Variants in HIVEP3 observed in about 807,000 individuals in gnomAD.
HIVEP3 encodes HIVEP zinc finger 3, also known as transcription factor HIVEP3.
In HIVEP3, 49 loss-of-function variants were observed where a neutral mutation model predicts 152.8. The observed-to-expected ratio is 0.32, with a 90% confidence interval of 0.26 to 0.41. The LOEUF (loss-of-function observed/expected upper bound fraction) is 0.41. Among genes scored for constraint, HIVEP3 ranks in the 10% least tolerant of loss-of-function variants. HIVEP3 has a pLI of 1.00. For missense variants in HIVEP3, 2,790 were observed against 3,103.3 expected, an observed-to-expected ratio of 0.90 and a Z score of 2.40; for synonymous variants, 1,269 against 1,289.0, an observed-to-expected ratio of 0.98 and a Z score of 0.33.
intron 1 of HIVEP3, among the ~76,000 whole-genome samples, chr1:41,715,148 C>A (rs1271367927): frequency 6.6e-6 from 1 of 152,208 alleles, no homozygotes; most frequent in Non-Finnish European, 1.5e-5. Flanking sequence ...GCCGGAGGCA[C>A]CTCTCAAACA....
rs1558137041 is a variant in HIVEP3 at position 41,638,291 on chromosome 1, AGGAAGG to A, written c.-720-9350_-720-9345del. ...GAAAGAAAGAAAGAAAGAGGAAGGA[AGGAAGG>A]AGAGAGAAAGAAAGGAAAAGGAAAG... On this transcript the variant is annotated intron_variant, in intron 2 of 8. Coordinates refer to ENST00000372583, the MANE Select transcript of HIVEP3 (RefSeq NM_024503.5). Among the ~76,000 whole-genome samples, 671 of 126,284 alleles carry A rather than the reference AGGAAGG, an allele frequency of 5.3e-3. 1 individual carries two copies. The highest frequency in any genetic ancestry group is 8.7e-3 in the East Asian group (39 of 4,494). 82.8% of individuals were successfully genotyped at this position (126,284 alleles called of 152,430 possible). A position where few individuals can be genotyped will look rare whatever the true frequency, so the allele number is the denominator to read the frequency against.
chr1:41,749,432 G>GTGTGTGTGTGTGTGTGTGTGTGTGT (rs57099184), intron 1 of HIVEP3, among the ~76,000 whole-genome samples: 1 of 151,038 alleles, frequency 6.6e-6, no homozygotes, highest in Non-Finnish European at 1.5e-5. Flanking sequence ...GTGTGTGTGT[G>GTGTGTGTGTGTGTGTGTGTGTGTGT]ATGGAGAGAC....
At chr1:41,997,197 A>T (rs1233349118) in intron 1 of HIVEP3, among the ~76,000 whole-genome samples, 1 of 152,206 alleles carries the variant, frequency 6.6e-6, no homozygotes, top group African/African-American at 2.4e-5. Context: ...CACAGTAAAG[A>T]CTGGTCAAAA....
intron 5 of HIVEP3, among the ~76,000 whole-genome samples, chr1:41,565,770 C>A (rs368884477): frequency 6.6e-6 from 1 of 151,962 alleles, no homozygotes; most frequent in Non-Finnish European, 1.5e-5. Context: ...AGGGGCTGCC[C>A]GAGACCCCCC....
intron 1 of HIVEP3, among the ~76,000 whole-genome samples, chr1:41,808,306 G>A (rs1338410181): frequency 6.6e-6 from 1 of 152,226 alleles, no homozygotes; most frequent in Non-Finnish European, 1.5e-5. Flanking sequence ...TGCCTTTCCT[G>A]CTCCCCAGAA....
At chr1:41,524,264 G>A (rs72669015) in intron 6 of HIVEP3, among the ~76,000 whole-genome samples, 6,473 of 152,184 alleles carry the variant, frequency 0.043, 211 homozygotes, top group Middle Eastern at 0.11. Flanking sequence ...GGTGGAGGTC[G>A]GCGCGCTCTG....
chr1:41,846,811 C>T (rs888136542), intron 1 of HIVEP3, among the ~76,000 whole-genome samples: 25 of 152,202 alleles, frequency 1.6e-4, no homozygotes, highest in Admixed American at 1.3e-3. Context: ...CTTGCAACAG[C>T]GGCTCCTCCA....
intron 5 of HIVEP3, among the ~76,000 whole-genome samples, chr1:41,557,084 C>G (rs919652568): frequency 6.6e-6 from 1 of 152,222 alleles, no homozygotes; most frequent in Admixed American, 6.5e-5. Flanking sequence ...ACATTGTCCT[C>G]TTGCAAGATT....
At chr1:41,829,053 C>T (rs954902888) in intron 1 of HIVEP3, among the ~76,000 whole-genome samples, 2 of 152,160 alleles carry the variant, frequency 1.3e-5, no homozygotes, top group Admixed American at 1.3e-4. Flanking sequence ...CCAGGAGCCA[C>T]CCCTCTCCCA....
At chr1:42,001,305 A>G (rs1257906041) in intron 1 of HIVEP3, among the ~76,000 whole-genome samples, 3 of 152,222 alleles carry the variant, frequency 2.0e-5, no homozygotes, top group African/African-American at 7.2e-5. Context: ...CGTAGCCCCA[A>G]CATTGTCTAT....
intron 2 of HIVEP3, among the ~76,000 whole-genome samples, chr1:41,653,098 T>C (rs1375936392): frequency 6.6e-6 from 1 of 152,002 alleles, no homozygotes; most frequent in Non-Finnish European, 1.5e-5. Flanking sequence ...AAGTTTTAAG[T>C]CACTGTTTAT....
chr1:41,693,648 C>T (rs371402656), intron 2 of HIVEP3, among the ~76,000 whole-genome samples: 1 of 152,060 alleles, frequency 6.6e-6, no homozygotes, highest in East Asian at 1.9e-4. Flanking sequence ...GGTGTTTGCC[C>T]ATAGGGTTTT....
chr1:41,973,986 T>C (rs1645245245), intron 1 of HIVEP3, among the ~76,000 whole-genome samples: 3 of 152,106 alleles, frequency 2.0e-5, no homozygotes, highest in African/African-American at 7.2e-5. Flanking sequence ...ACAGAGGGCA[T>C]GCAAGGTGAG....
At chr1:41,602,016 C>T (rs953339909) in intron 3 of HIVEP3, among the ~76,000 whole-genome samples, 2 of 151,740 alleles carry the variant, frequency 1.3e-5, no homozygotes, top group African/African-American at 4.8e-5. Flanking sequence ...GATTTTAAGT[C>T]TTTATTCTGA....
Position 41,579,913 on chromosome 1 carries a change from C to T in HIVEP3, c.4885G>A (p.Gly1629Ser). The change falls in exon 4 of 9, where the codon GGT (glycine) becomes AGT (serine). Residue 1629 changes from glycine (G) to serine (S), a missense_variant. Transcript: ENST00000372583. ...GGGTTGTACAAACTTATGCACCAAC[C>T]AGCGTAAACAGAGGACCTCCTATCT... The part of the protein sequence containing the change: ...HADRRSSVYA[G>S]WCISLYNPNL... The T allele has an allele frequency of 1.2e-6, 2 of 1,614,174 alleles. No individual in the cohort carries two copies. Among genetic ancestry groups the T allele is most frequent in the South Asian group, 2.2e-5 (2 of 91,078 alleles).
At chr1:41,593,130 T>A (rs1021872612) in intron 3 of HIVEP3, among the ~76,000 whole-genome samples, 3 of 152,228 alleles carry the variant, frequency 2.0e-5, no homozygotes, top group Non-Finnish European at 2.9e-5. Context: ...TTTCTCCTTC[T>A]TTTAAACGAA....
intron 1 of HIVEP3, among the ~76,000 whole-genome samples, chr1:41,871,294 G>A (rs1229476618): frequency 6.6e-6 from 1 of 152,126 alleles, no homozygotes; most frequent in African/African-American, 2.4e-5. Flanking sequence ...CTCCAGGACT[G>A]GAGTCTGGGA....
chr1:41,525,621 C>T (rs1276950637), intron 5 of HIVEP3, among the ~76,000 whole-genome samples: 1 of 152,216 alleles, frequency 6.6e-6, no homozygotes, highest in African/African-American at 2.4e-5. Flanking sequence ...GCACGTCAGC[C>T]TGCAAGCTCT....
At chr1:41,833,650 C>G (rs571630566) in intron 1 of HIVEP3, among the ~76,000 whole-genome samples, 31 of 152,276 alleles carry the variant, frequency 2.0e-4, no homozygotes, top group Admixed American at 1.0e-3. Context: ...CAAGGAGGAG[C>G]TGGACATGGC....
Sources: allele counts gnomAD v4.1 joint callset (sites outside exome capture counted in the v4.1 genomes callset), GRCh38; gene constraint gnomAD v4.1.1; transcripts MANE v1.5; gene names NCBI Gene and HGNC (gene_info 2026-07-23, HGNC 2026-07-21).